The following CCDC51 variants were observed in gnomAD, a reference collection of about 807,000 sequenced individuals.
CCDC51 encodes coiled-coil domain containing 51.
Under a neutral mutation model 24.8 loss-of-function variants are expected in CCDC51, and 25 were observed. The observed-to-expected ratio is 1.01, with a 90% CI of 0.73 to 1.41. The LOEUF (loss-of-function observed/expected upper bound fraction) is 1.41, where lower values mean the gene tolerates loss of function less well. Among genes scored for constraint, CCDC51 ranks in the 40% most tolerant of loss-of-function variants. CCDC51 has a pLI of 0.00. For missense variants in CCDC51, 466 were observed against 519.1 expected, an observed-to-expected ratio of 0.90 and a Z score of 0.99; for synonymous variants, 190 against 204.3, an observed-to-expected ratio of 0.93 and a Z score of 0.60.
intron 1 of CCDC51, 124 bp downstream of exon 1, chr3:48,439,864 A>G (rs188338158): frequency 1.6e-4 from 38 of 239,136 alleles, no homozygotes; most frequent in South Asian, 6.6e-4. Context: ...ACCACGTGAT[A>G]TAACTCCCGT....
chr3:48,438,388 T>C (rs958136412), intron 1 of CCDC51, among the ~76,000 whole-genome samples: 3 of 152,170 alleles, frequency 2.0e-5, no homozygotes, highest in Non-Finnish European at 4.4e-5. Context: ...CCCAGGGTTC[T>C]AGGCTCATTT....
chr3:48,442,097 C>T (rs544845519), upstream of CCDC51, among the ~76,000 whole-genome samples: 7 of 151,938 alleles, frequency 4.6e-5, no homozygotes, highest in East Asian at 9.6e-4. Flanking sequence ...GTGGTGGTGG[C>T]GGCCCGTTTC....
upstream of CCDC51, among the ~76,000 whole-genome samples, chr3:48,441,208 GC>G (rs1453031703): frequency 6.6e-6 from 1 of 151,908 alleles, no homozygotes; most frequent in Admixed American, 6.6e-5. Flanking sequence ...ACGGAGTGCG[GC>G]TAATTTTTGT....
At chr3:48,446,636 A>G in the CCDC51 span, 1 of 501,404 alleles carries the variant, frequency 2.0e-6, no homozygotes, top group Non-Finnish European at 3.1e-6. Context: ...GTGGACCTCT[A>G]AACACCGGGC....
upstream of CCDC51, chr3:48,444,269 T>G: frequency 6.3e-6 from 1 of 159,090 alleles, no homozygotes; most frequent in South Asian, 2.0e-4. Context: ...GTGGAAGAAT[T>G]TGCACTTTTT....
rs1449388668 is a variant in CCDC51 at position 48,433,675 on chromosome 3, G to A, written c.477+32C>T. 1 of 1,600,688 alleles carries A rather than the reference G, an allele frequency of 6.2e-7. No individual in the cohort carries two copies. Among genetic ancestry groups the A allele is most frequent in the Admixed American group, 1.7e-5 (1 of 59,258 alleles). On this transcript the variant is annotated intron_variant, in intron 3 of 3. Coordinates refer to ENST00000395694, the MANE Select transcript of CCDC51 (RefSeq NM_001256964.2). The surrounding 1 kb of genome is among the most constrained non-coding windows in gnomAD (Gnocchi z 4.4). ...TCTGCCAGGCTAGGGTCACTGTCCA[G>A]GTGCGAAAGGGCTGCCTCCTGAGGT...
intron 1 of CCDC51, among the ~76,000 whole-genome samples, chr3:48,439,721 T>A (rs2039495307): frequency 6.6e-6 from 1 of 152,242 alleles, no homozygotes; most frequent in South Asian, 2.1e-4. Context: ...TTTTACTATA[T>A]TAACAGAGTT....
Position 48,433,284 on chromosome 3 carries a change from T to C in CCDC51, c.478-118A>G, listed in dbSNP as rs1230585914. 7.0e-6 allele frequency: 7 copies of C among 993,042 alleles called. No homozygotes were observed. The highest frequency in any genetic ancestry group is 2.5e-5 in the Admixed American group (1 of 39,762). 61.5% of individuals were successfully genotyped at this position (993,042 alleles called of 1,614,324 possible). A position where few individuals can be genotyped will look rare whatever the true frequency, so the allele number is the denominator to read the frequency against. On this transcript the variant is annotated intron_variant, in intron 3 of 3. Coordinates refer to ENST00000395694, the MANE Select transcript of CCDC51 (RefSeq NM_001256964.2). This position sits in a 1 kb window ranked among gnomAD's most constrained non-coding sequence, Gnocchi z 4.4. ...GCAGAGTACATGTTCCATAGACCCA[T>C]GCTGAATGAATGAAGGTAGCACCAA... is the stretch of plus-strand genomic sequence containing the variant.
At chr3:48,444,324 G>A (rs2039629618), upstream of CCDC51, 1 of 153,236 alleles carries the variant, frequency 6.5e-6, no homozygotes, top group South Asian at 2.0e-4. Context: ...CCAGGCTGGA[G>A]TGCAGTGGCA....
chr3:48,442,871 A>C (rs188817654), upstream of CCDC51, among the ~76,000 whole-genome samples: 137 of 152,320 alleles, frequency 9.0e-4, no homozygotes, highest in African/African-American at 3.2e-3. Context: ...GGCAGTTAAG[A>C]ATGTGGACTT....
In CCDC51 at chr3:48,437,062, T is replaced by C. The variant is rs2039377267; in HGVS notation, c.-8-1926A>G. On this transcript the variant is annotated intron_variant, in intron 1 of 3. Coordinates refer to ENST00000395694, the MANE Select transcript of CCDC51 (RefSeq NM_001256964.2). This position sits in a 1 kb window ranked among gnomAD's most constrained non-coding sequence, Gnocchi z 4.2. Reference sequence around the variant, plus strand: ...CTCTGCTCCAGCCACCGTGCTGGTCTGTGCCCTGCCACCTTGTCCAGCTGG... The same window carrying C: ...CTCTGCTCCAGCCACCGTGCTGGTCCGTGCCCTGCCACCTTGTCCAGCTGG... Among the ~76,000 whole-genome samples, 1 of 152,238 alleles carries C rather than the reference T, an allele frequency of 6.6e-6. No homozygotes were observed. Among genetic ancestry groups the C allele is most frequent in the African/African-American group, 2.4e-5 (1 of 41,466 alleles).
chr3:48,432,649 C>T lies in CCDC51; in HGVS notation c.995G>A (p.Ser332Asn). Reference sequence around the variant, plus strand: ...AAGCTGAACCACCCCAGCCATTTGGCTACAAGTCTTTTCTAGGCCATCAAG... The same window carrying T: ...AAGCTGAACCACCCCAGCCATTTGGTTACAAGTCTTTTCTAGGCCATCAAG... The part of the protein sequence containing the change: ...EQLDGLEKTC[S>N]QMAGVVQLVK... Residue 332 changes from serine to asparagine, a missense_variant, in exon 4 of 4, where the codon AGC becomes AAC. Ser to Asn is a conservative substitution (Grantham distance 46). Transcript: ENST00000395694. 6.2e-7 allele frequency: 1 copy of T among 1,614,254 alleles called. No homozygotes were observed. Among genetic ancestry groups the T allele is most frequent in the Non-Finnish European group, 8.5e-7 (1 of 1,180,050 alleles).
At chr3:48,434,013 T>C (rs977155975) in intron 2 of CCDC51, 142 bp from the exon 3 acceptor site, 12 of 1,439,792 alleles carry the variant, frequency 8.3e-6, no homozygotes, top group South Asian at 1.5e-5. Context: ...TAGACACTAA[T>C]CCTGGCTCAC....
chr3:48,440,824 G>T (rs1221377134), upstream of CCDC51: 1 of 608,974 alleles, frequency 1.6e-6, no homozygotes, highest in Non-Finnish European at 2.9e-6. Context: ...GAGGTCTCCT[G>T]CCTCCCAGGC....
At chr3:48,445,705 T>C in the CCDC51 span, among the ~76,000 whole-genome samples, 2 of 152,242 alleles carry the variant, frequency 1.3e-5, no homozygotes, top group Non-Finnish European at 2.9e-5. Context: ...TAGGCCCTGA[T>C]AGCACTCTCT....
At position 48,435,064 on chromosome 3, in the gene CCDC51, C is replaced by T. The variant is rs919877197; in HGVS notation, c.65G>A (p.Arg22Gln). The change falls in exon 2 of 4, where the codon CGG (arginine) becomes CAG (glutamine). Residue 22 changes from arginine to glutamine, a missense_variant. Physicochemically the swap from Arg to Gln is conservative, Grantham distance 43 (BLOSUM62 1). Coordinates refer to ENST00000395694, the MANE Select transcript of CCDC51 (RefSeq NM_001256964.2). This position sits in a 1 kb window ranked among gnomAD's most constrained non-coding sequence, Gnocchi z 4.2. ...HIVGVPHVLV[R>Q]RGLLGRDLFM... is the part of the protein sequence containing the mutation. ...GAGGTCCCTTCCAAGGAGGCCCCTC[C>T]GAACCAGTACGTGGGGCACACCCAC... is the stretch of plus-strand genomic sequence containing the variant. 4.9e-5 allele frequency: 79 copies of T among 1,613,248 alleles called. 1 individual carries two copies. In the Admixed American group the frequency reaches 1.1e-3, roughly 22 times the overall value.
At chr3:48,445,275 C>T (rs1472054852), upstream of CCDC51, 1 of 152,102 alleles carries the variant, frequency 6.6e-6, no homozygotes, top group Non-Finnish European at 1.5e-5. Flanking sequence ...AGAATATTGT[C>T]GAAGAGCGCT....
At chr3:48,442,943 T>C (rs905127752), upstream of CCDC51, among the ~76,000 whole-genome samples, 47 of 151,842 alleles carry the variant, frequency 3.1e-4, no homozygotes, top group Non-Finnish European at 4.9e-4. Context: ...CACCTAACAA[T>C]AAGACTTCTT....
At chr3:48,434,758 G>T in intron 2 of CCDC51, 59 bp downstream of exon 2, 1 of 1,470,452 alleles carries the variant, frequency 6.8e-7, no homozygotes, top group Non-Finnish European at 9.3e-7. Flanking sequence ...CCACGTGACT[G>T]GTTTGGCACA....
Sources: allele counts gnomAD v4.1 joint callset (sites outside exome capture counted in the v4.1 genomes callset), GRCh38; gene constraint gnomAD v4.1.1; non-coding constraint Gnocchi (gnomAD v3.1); transcripts MANE v1.5; gene names NCBI Gene and HGNC (gene_info 2026-07-23, HGNC 2026-07-21).